Variants in ANAPC4 observed in about 807,000 individuals in gnomAD.
The protein encoded by ANAPC4 is anaphase promoting complex subunit 4.
Under a neutral mutation model 119.8 loss-of-function variants are expected in ANAPC4, and 63 were observed. That is an observed-to-expected ratio of 0.53 (90% CI 0.43 to 0.65). ANAPC4 has a LOEUF of 0.65. Among genes scored for constraint, ANAPC4 ranks in the 30% least tolerant of loss-of-function variants. The probability of loss-of-function intolerance (pLI) is 0.00; values close to 1 mark genes in which losing one functional copy is unlikely to be tolerated. For synonymous variants in ANAPC4, 283 were observed against 318.6 expected, an observed-to-expected ratio of 0.89 and a Z score of 1.19; for missense variants, 716 against 945.1, an observed-to-expected ratio of 0.76 and a Z score of 3.18.
intron 3 of ANAPC4, among the ~76,000 whole-genome samples, chr4:25,382,867 G>A (rs1160516518): frequency 6.6e-6 from 1 of 152,188 alleles, no homozygotes; most frequent in Non-Finnish European, 1.5e-5. Flanking sequence ...GGAATAAAAA[G>A]CATTCCAAGA....
Position 25,391,068 on chromosome 4 carries a change from T to C in ANAPC4, c.705+53T>C, listed in dbSNP as rs1261527396. 4 of 1,328,416 alleles carry C rather than the reference T, an allele frequency of 3.0e-6. No individual in the cohort carries two copies. In the African/African-American group the frequency reaches 5.8e-5, roughly 19 times the overall value. The allele number at this position is 1,328,416 out of a possible 1,614,324, so 82.3% of individuals were successfully genotyped here. ...AGAGTAAATATGTATTTAACAGGTT[T>C]TATATAGGTTTTTATCCACATCTCA... On this transcript the variant is annotated intron_variant, in intron 9 of 28. Coordinates refer to ENST00000315368, the MANE Select transcript of ANAPC4 (RefSeq NM_013367.3).
Position 25,409,766 on chromosome 4 carries a change from T to C in ANAPC4, c.1500T>C (p.Phe500=), listed in dbSNP as rs369214724. ...PNTEGNQWYD[F]LQNSSHLKES... ...CAGAAGGAAACCAGTGGTATGACTT[T>C]CTTCAAAATAGCAGCCACCTTAAAG... is the stretch of plus-strand genomic sequence containing the variant. Residue 500 remains phenylalanine (F), a synonymous_variant, in exon 21 of 29, where the codon TTT becomes TTC. Coordinates refer to ENST00000315368, the MANE Select transcript of ANAPC4 (RefSeq NM_013367.3). 4.3e-6 allele frequency: 7 copies of C among 1,613,356 alleles called. No individual in the cohort carries two copies. The highest frequency in any genetic ancestry group is 2.7e-5 in the African/African-American group (2 of 74,896).
At chr4:25,380,569 G>A in intron 3 of ANAPC4, 90 bp downstream of exon 3, 1 of 869,226 alleles carries the variant, frequency 1.2e-6, no homozygotes, top group Admixed American at 3.1e-5. Context: ...ATTGTTCTTA[G>A]TATACATAAG....
chr4:25,389,360 T>C (rs367855015), intron 7 of ANAPC4, among the ~76,000 whole-genome samples: 1 of 152,198 alleles, frequency 6.6e-6, no homozygotes, highest in Non-Finnish European at 1.5e-5. Context: ...GGTTTCACCA[T>C]GTTGGCCAGG....
rs1723180700 is a variant in ANAPC4, at chr4:25,405,084, C to T, written c.1271-489C>T. Among the ~76,000 whole-genome samples, 1 of 151,028 alleles carries T rather than the reference C, an allele frequency of 6.6e-6. No individual in the cohort carries two copies. The highest frequency in any genetic ancestry group is 1.9e-4 in the East Asian group (1 of 5,176). On this transcript the variant is annotated intron_variant, in intron 17 of 28. Coordinates refer to ENST00000315368, the MANE Select transcript of ANAPC4 (RefSeq NM_013367.3). The surrounding 1 kb of genome is among the most constrained non-coding windows in gnomAD (Gnocchi z 4.6). ...ACACATAGTACTGATGAGGACAATC[C>T]TGTGAAAGGACGGAGAGAGTCAACC... is the stretch of plus-strand genomic sequence containing the variant.
chr4:25,411,155 A>G (rs1057215478), intron 21 of ANAPC4, among the ~76,000 whole-genome samples: 2 of 152,174 alleles, frequency 1.3e-5, no homozygotes, highest in Non-Finnish European at 2.9e-5. Context: ...CAAGTTGGCT[A>G]TTGAATGGAG....
chr4:25,402,843 A>C (rs372165299), intron 16 of ANAPC4, 128 bp from the exon 17 acceptor site: 1 of 459,816 alleles, frequency 2.2e-6, no homozygotes, highest in African/African-American at 2.0e-5. Context: ...TGTTCTAAAG[A>C]CTTAAATGTC....
intron 21 of ANAPC4, among the ~76,000 whole-genome samples, chr4:25,411,168 A>T (rs570606325): frequency 6.6e-6 from 1 of 152,290 alleles, no homozygotes; most frequent in Non-Finnish European, 1.5e-5. Flanking sequence ...GAATGGAGGG[A>T]GGATAAAGGT....
At chr4:25,385,724 C>G (rs1721994233) in intron 4 of ANAPC4, among the ~76,000 whole-genome samples, 1 of 152,192 alleles carries the variant, frequency 6.6e-6, no homozygotes, top group African/African-American at 2.4e-5. Flanking sequence ...GCCTTCCTCT[C>G]TAAGCCTAAT....
chr4:25,417,974 CTGT>C (rs1220107334), intron 28 of ANAPC4, 178 bp from the exon 29 acceptor site: 3 of 835,386 alleles, frequency 3.6e-6, no homozygotes, highest in African/African-American at 3.5e-5. Context: ...GAAATTGCCA[CTGT>C]TGTTATGTGG....
chr4:25,413,798 T>C, intron 22 of ANAPC4, 56 bp downstream of exon 22: 2 of 1,295,260 alleles, frequency 1.5e-6, no homozygotes, highest in Non-Finnish European at 2.2e-6. Flanking sequence ...CTACAGTATG[T>C]GGCTCACTTA....
rs1723614945 is a variant in ANAPC4 at position 25,412,341 on chromosome 4, T to G, written c.1526-1304T>G. On this transcript the variant is annotated intron_variant, in intron 21 of 28. Coordinates refer to ENST00000315368, the MANE Select transcript of ANAPC4 (RefSeq NM_013367.3). Reference sequence around the variant, plus strand: ...CATGATTGATGAAGTCATTGGCCATTGGTGATTGAACTCAACCTCCAAGCC... The same window carrying G: ...CATGATTGATGAAGTCATTGGCCATGGGTGATTGAACTCAACCTCCAAGCC... Among the ~76,000 whole-genome samples the G allele has an allele frequency of 2.6e-5, 4 of 152,232 alleles. No individual in the cohort carries two copies. In the South Asian group the frequency reaches 8.3e-4, roughly 32 times the overall value.
chr4:25,390,016 C>T, intron 7 of ANAPC4, 120 bp from the exon 8 acceptor site: 1 of 609,366 alleles, frequency 1.6e-6, no homozygotes, highest in Non-Finnish European at 2.8e-6. Context: ...TCACTTCCCT[C>T]TGCAGGGGAG....
At chr4:25,384,213 G>C (rs116392787) in intron 4 of ANAPC4, among the ~76,000 whole-genome samples, 1,638 of 152,164 alleles carry the variant, frequency 0.011, 30 homozygotes, top group African/African-American at 0.038. Context: ...TTCAAGTTTC[G>C]TCATGAGATT....
intron 19 of ANAPC4, 148 bp downstream of exon 19, chr4:25,407,033 C>T: frequency 1.1e-6 from 1 of 901,520 alleles, no homozygotes; most frequent in Non-Finnish European, 1.7e-6. Context: ...TGTTTATAAA[C>T]ATAGTCAATA....
chr4:25,398,989 C>A (rs551131706), intron 16 of ANAPC4, among the ~76,000 whole-genome samples: 2 of 150,982 alleles, frequency 1.3e-5, no homozygotes, highest in African/African-American at 4.9e-5. Flanking sequence ...GTTCTTTAGA[C>A]TTACTATTTT....
chr4:25,417,573 A>T, intron 27 of ANAPC4, 43 bp from the exon 28 acceptor site: 1 of 1,535,158 alleles, frequency 6.5e-7, no homozygotes, highest in South Asian at 1.3e-5. Context: ...AGGGAGGATA[A>T]GATCCCCTTT....
intron 24 of ANAPC4, 34 bp downstream of exon 24, chr4:25,414,538 C>T (rs1560449309): frequency 6.3e-7 from 1 of 1,581,878 alleles, no homozygotes; most frequent in Admixed American, 1.8e-5. Flanking sequence ...CTTGAGTGAA[C>T]AATACAATTT....
At position 25,385,469 on chromosome 4, in the gene ANAPC4, T is replaced by C. The variant is rs79935297; in HGVS notation, c.368+2076T>C. Among the ~76,000 whole-genome samples the C allele has an allele frequency of 7.6e-3, 1,160 of 152,316 alleles. 38 individuals are homozygous for C. In the East Asian group the frequency reaches 0.11, roughly 15 times the overall value. On this transcript the variant is annotated intron_variant, in intron 4 of 28. Transcript: ENST00000315368. ...GCTTTCTCTCAGCACTTTCATAGAA[T>C]TGAAGAGAGTTGGGGCCTTACTCTA...
Sources: gnomAD v4.1 joint callset for allele counts (sites outside exome capture counted in the v4.1 genomes callset) on GRCh38, gnomAD v4.1.1 for gene constraint, Gnocchi (gnomAD v3.1) non-coding constraint, MANE v1.5 for transcripts, NCBI Gene and HGNC (gene_info 2026-07-23, HGNC 2026-07-21) for gene names.